The following CHRDL1 variants were observed in gnomAD, a reference collection of about 807,000 sequenced individuals.
CHRDL1 encodes the protein chordin like 1, also known as chordin-like protein 1.
Under a neutral mutation model 40.9 loss-of-function variants are expected in CHRDL1, and 19 were observed. The observed-to-expected ratio is 0.46, with a 90% CI of 0.32 to 0.68. The LOEUF is 0.68. CHRDL1 is among the 30% of genes least tolerant of loss of function. The pLI is 0.03. For synonymous variants in CHRDL1, 136 were observed against 123.4 expected, an observed-to-expected ratio of 1.10 and a Z score of -0.68; for missense variants, 329 against 352.1, an observed-to-expected ratio of 0.93 and a Z score of 0.53.
At chrX:110,713,431 G>A (rs1214908240) in intron 6 of CHRDL1, among the ~76,000 whole-genome samples, 1 of 112,149 alleles carries the variant, frequency 8.9e-6, no homozygotes. Context: ...AGAAGGGTAA[G>A]TTAAGGCCTT....
At chrX:110,749,257 G>T (rs1672749171) in intron 4 of CHRDL1, among the ~76,000 whole-genome samples, 1 of 111,395 alleles carries the variant, frequency 9.0e-6, no homozygotes, top group Admixed American at 9.5e-5. Flanking sequence ...ATTTATTGAA[G>T]AAAAGAAAAA....
chrX:110,725,591 C>T (rs1388575417), intron 4 of CHRDL1, among the ~76,000 whole-genome samples: 1 of 111,208 alleles, frequency 9.0e-6, no homozygotes, highest in Admixed American at 9.6e-5. Context: ...AGTCCTCATG[C>T]TGACTGCTCT....
Position 110,682,973 on chromosome X carries a change from A to G in CHRDL1, c.989-1324T>C, listed in dbSNP as rs921542203. Among the ~76,000 whole-genome samples the G allele has an allele frequency of 3.1e-4, 35 of 112,214 alleles. No individual in the cohort carries two copies. In the Admixed American group the frequency reaches 3.2e-3, roughly 10 times the overall value. ...GTTGGAGAGAGGGAAGAGGTCACTG[A>G]GTGTACAGAGACTTCTGTGTATTCA... On this transcript the variant is annotated intron_variant, in intron 9 of 11. Transcript: ENST00000372042.
At chrX:110,750,767 T>A (rs775040520) in intron 4 of CHRDL1, among the ~76,000 whole-genome samples, 1 of 111,880 alleles carries the variant, frequency 8.9e-6, no homozygotes, top group South Asian at 3.8e-4. Flanking sequence ...ATGTGGAAGA[T>A]GGCAGAAGAG....
intron 2 of CHRDL1, among the ~76,000 whole-genome samples, chrX:110,776,743 AC>A (rs2089859340): frequency 9.1e-6 from 1 of 110,367 alleles, no homozygotes; most frequent in Non-Finnish European, 1.9e-5. Flanking sequence ...TTTCCCATAT[AC>A]CCCCTGTTAC....
chrX:110,687,293 A>T (rs868627995), intron 9 of CHRDL1, among the ~76,000 whole-genome samples: 1 of 111,155 alleles, frequency 9.0e-6, no homozygotes, highest in African/African-American at 3.3e-5. Flanking sequence ...TCTGCACACA[A>T]TGTTCACCTG....
chrX:110,676,512 G>A (rs1048631799), intron 11 of CHRDL1, 151 bp from the exon 12 acceptor site: 2 of 474,249 alleles, frequency 4.2e-6, no homozygotes, highest in Admixed American at 4.6e-5. Context: ...TTCAAAAAAT[G>A]GCCCCAAAAC....
At chrX:110,790,561 GA>G (rs1398875982) in intron 2 of CHRDL1, among the ~76,000 whole-genome samples, 1 of 111,002 alleles carries the variant, frequency 9.0e-6, no homozygotes, top group Non-Finnish European at 1.9e-5. Context: ...AAGACAGGAA[GA>G]TTTTTTTGTA....
chrX:110,690,210 T>C (rs1169649919), intron 8 of CHRDL1, among the ~76,000 whole-genome samples: 1 of 103,784 alleles, frequency 9.6e-6, no homozygotes, highest in Non-Finnish European at 1.9e-5. Flanking sequence ...CACGCCCGGC[T>C]AACTTTTTTT....
chrX:110,748,279 C>A (rs186391410), intron 4 of CHRDL1, among the ~76,000 whole-genome samples: 1 of 111,933 alleles, frequency 8.9e-6, no homozygotes, highest in Non-Finnish European at 1.9e-5. Flanking sequence ...AGAAAGCAAT[C>A]GCAGAAGAGG....
chrX:110,718,709 ACAACT>A (rs771629088), intron 6 of CHRDL1, among the ~76,000 whole-genome samples: 9 of 112,236 alleles, frequency 8.0e-5, no homozygotes, highest in Non-Finnish European at 1.5e-4. Context: ...GGCCTTCCTG[ACAACT>A]CAACCTAAAT....
chrX:110,674,478 C>G lies in CHRDL1; in HGVS notation c.*1753G>C, dbSNP rs988874872. The G allele has an allele frequency of 9.3e-6, 1 of 107,356 alleles. No homozygotes were observed. The highest frequency in any genetic ancestry group is 1.9e-5 in the Non-Finnish European group (1 of 51,982). The allele number at this position is 107,356 out of a possible 1,213,427, so 8.8% of individuals were successfully genotyped here. A position where few individuals can be genotyped will look rare whatever the true frequency, so the allele number is the denominator to read the frequency against. Reference sequence around the variant, plus strand: ...TTTACCACACACACACACACACACACACACACACACACACACACACACACA... The same window carrying G: ...TTTACCACACACACACACACACACAGACACACACACACACACACACACACA... On this transcript the variant is annotated 3_prime_UTR_variant, in exon 12 of 12. Transcript: ENST00000372042.
chrX:110,689,965 ATC>A lies in CHRDL1; in HGVS notation c.779-1164_779-1163del, dbSNP rs2070225613. Among the ~76,000 whole-genome samples, 2 of 65,227 alleles carry A rather than the reference ATC, an allele frequency of 3.1e-5. 1 individual carries two copies. The highest frequency in any genetic ancestry group is 1.9e-4 in the African/African-American group (2 of 10,334). 56.6% of individuals were successfully genotyped at this position (65,227 alleles called of 115,157 possible). A position where few individuals can be genotyped will look rare whatever the true frequency, so the allele number is the denominator to read the frequency against. ...TCTATATATCTATATATATCTATAT[ATC>A]TATATATATCTATATATCTATATAT... On this transcript the variant is annotated intron_variant, in intron 8 of 11. Transcript: ENST00000372042.
chrX:110,777,683 C>A (rs1306415311), intron 2 of CHRDL1, among the ~76,000 whole-genome samples: 2 of 111,461 alleles, frequency 1.8e-5, no homozygotes, highest in East Asian at 5.6e-4. Flanking sequence ...GGTCTTTGGT[C>A]CATTTTTAAA....
At position 110,727,112 on chromosome X, in the gene CHRDL1, T is replaced by C. The variant is rs556791991; in HGVS notation, c.302-5582A>G. On this transcript the variant is annotated intron_variant, in intron 4 of 11. Coordinates refer to ENST00000372042, the MANE Select transcript of CHRDL1 (RefSeq NM_001143981.2). ...ATAAAGGTTCATAATGGAAGAGAGGTCAAATAATCACAAATTGCCAATGTT... is the reference window on the plus strand; with the variant it reads ...ATAAAGGTTCATAATGGAAGAGAGGCCAAATAATCACAAATTGCCAATGTT... 3.6e-5 allele frequency among the ~76,000 whole-genome samples: 4 copies of C among 111,881 alleles called. No homozygotes were observed. In the South Asian group the frequency reaches 1.5e-3, roughly 42 times the overall value.
chrX:110,782,855 C>G (rs150982461), intron 2 of CHRDL1, among the ~76,000 whole-genome samples: 625 of 112,160 alleles, frequency 5.6e-3, no homozygotes, highest in African/African-American at 0.019. Context: ...CTTGAGGATG[C>G]AAATATCTTA....
At chrX:110,705,304 T>TATACACAC (rs1491498596) in intron 6 of CHRDL1, among the ~76,000 whole-genome samples, 8 of 77,619 alleles carry the variant, frequency 1.0e-4, no homozygotes, top group African/African-American at 2.8e-4. Context: ...TATATATATA[T>TATACACAC]ACACACACAC....
rs200366092 is a variant in CHRDL1, at chrX:110,676,263, A to G, written c.1345T>C (p.Tyr449His). The change falls in exon 12 of 12, where the codon TAC becomes CAC. Residue 449 changes from tyrosine (Y) to histidine (H), a missense_variant. Tyr to His is a moderately conservative substitution (Grantham distance 83, BLOSUM62 2). Transcript: ENST00000372042. ...TELEDLVKVL[Y>H]LERSEKGHC ...TGGCCCTTTTCAGATCTCTCCAGGT[A>G]CAAAACCTTGACTAAATCTTCAAGC... 69 of 1,208,041 alleles carry G rather than the reference A, an allele frequency of 5.7e-5. No individual in the cohort carries two copies. The highest frequency in any genetic ancestry group is 2.3e-4 in the Middle Eastern group (1 of 4,363).
At chrX:110,713,047 T>C (rs902661195) in intron 6 of CHRDL1, among the ~76,000 whole-genome samples, 1 of 110,995 alleles carries the variant, frequency 9.0e-6, no homozygotes, top group Non-Finnish European at 1.9e-5. Context: ...ATCTCCCTAA[T>C]TTTTGAGCCA....
Sources: gnomAD v4.1 joint callset for allele counts (sites outside exome capture counted in the v4.1 genomes callset) on GRCh38, gnomAD v4.1.1 for gene constraint, MANE v1.5 for transcripts, NCBI Gene and HGNC (gene_info 2026-07-23, HGNC 2026-07-21) for gene names.